Variants in PDCD11 observed in about 807,000 individuals in gnomAD.
PDCD11 encodes the protein protein RRP5 homolog.
In PDCD11, 97 loss-of-function variants were observed where a neutral mutation model predicts 198.9. The observed-to-expected ratio is 0.49, with a 90% CI of 0.41 to 0.58. PDCD11 has a LOEUF of 0.58. PDCD11 is among the 20% of genes least tolerant of loss of function. The pLI is 0.00. For missense variants in PDCD11, 2,102 were observed against 2,312.7 expected, an observed-to-expected ratio of 0.91 and a Z score of 1.87; for synonymous variants, 893 against 918.0, an observed-to-expected ratio of 0.97 and a Z score of 0.49.
chr10:103,437,317 G>GT (rs931291327), intron 25 of PDCD11, among the ~76,000 whole-genome samples: 13 of 151,796 alleles, frequency 8.6e-5, no homozygotes, highest in African/African-American at 2.9e-4. Context: ...TTTTAAAAAA[G>GT]TTTTTTTATA....
chr10:103,434,956 G>C lies in PDCD11; in HGVS notation c.3826G>C (p.Val1276Leu), dbSNP rs770426601. 1.3e-6 allele frequency: 2 copies of C among 1,574,512 alleles called. No individual in the cohort carries two copies. Among genetic ancestry groups the C allele is most frequent in the African/African-American group, 2.8e-5 (2 of 72,662 alleles). Reference sequence around the variant, plus strand: ...CTCCGAGACGCCCCTGGAAGACTTCGTCCCCCAGAAGGTTGTCAGGTAAGC... The same window carrying C: ...CTCCGAGACGCCCCTGGAAGACTTCCTCCCCCAGAAGGTTGTCAGGTAAGC... ...SYSETPLEDF[V>L]PQKVVRCYIL... Residue 1276 changes from valine (V) to leucine (L), a missense_variant, in exon 25 of 36, where the codon GTC becomes CTC. Coordinates refer to ENST00000369797, the MANE Select transcript of PDCD11 (RefSeq NM_014976.2).
At chr10:103,407,413 A>C (rs1180135542) in intron 7 of PDCD11, among the ~76,000 whole-genome samples, 1 of 152,032 alleles carries the variant, frequency 6.6e-6, no homozygotes, top group African/African-American at 2.4e-5. Context: ...AATACAAAAA[A>C]TTAGCTGGGT....
chr10:103,443,928 T>G lies in PDCD11; in HGVS notation c.5138T>G (p.Leu1713Arg), dbSNP rs1263922335. The G allele has an allele frequency of 6.2e-7, 1 of 1,614,038 alleles. No homozygotes were observed. The highest frequency in any genetic ancestry group is 1.3e-5 in the African/African-American group (1 of 74,924). Residue 1713 changes from leucine (L) to arginine (R), a missense_variant, in exon 34 of 36, where the codon CTC (leucine) becomes CGC (arginine). By Grantham distance (102) the Leu-to-Arg change is moderately radical (BLOSUM62 -2). Transcript: ENST00000369797. ...CTTTTCCCACAGGAAGCTGGTGAAC[T>G]CTACAACCGGATGCTGAAGCGTTTC... ...KSEKFQEAGE[L>R]YNRMLKRFRQ...
Position 103,442,359 on chromosome 10 carries a change from C to G in PDCD11, c.4854C>G (p.Ser1618Arg). 6.2e-7 allele frequency: 1 copy of G among 1,614,248 alleles called. No individual in the cohort carries two copies. Among genetic ancestry groups the G allele is most frequent in the South Asian group, 1.1e-5 (1 of 91,090 alleles). ...FDRLVLSSPNSSILWLQYMAF... is the reference protein window; with the variant it reads ...FDRLVLSSPNRSILWLQYMAF... ...GACTGGTGCTGAGCTCCCCCAACAG[C>G]TCCATTCTGTGGCTGCAGTACATGG... The change falls in exon 32 of 36, where the codon AGC becomes AGG. Residue 1618 changes from serine to arginine, a missense_variant. By Grantham distance (110) the Ser-to-Arg change is moderately radical. Coordinates refer to ENST00000369797, the MANE Select transcript of PDCD11 (RefSeq NM_014976.2).
chr10:103,396,788 G>A (rs955294504), intron 1 of PDCD11, 58 bp downstream of exon 1: 4 of 152,402 alleles, frequency 2.6e-5, no homozygotes, highest in African/African-American at 9.6e-5. Flanking sequence ...GTCTGTCCCA[G>A]GCCTGGTTCC....
At chr10:103,424,945 T>C in intron 19 of PDCD11, 39 bp from the exon 20 acceptor site, 1 of 1,604,508 alleles carries the variant, frequency 6.2e-7, no homozygotes, top group South Asian at 1.1e-5. Context: ...GACCATGCTG[T>C]GTAAGGAAAG....
intron 21 of PDCD11, among the ~76,000 whole-genome samples, chr10:103,430,577 C>T (rs182941529): frequency 8.3e-4 from 125 of 151,412 alleles, no homozygotes; most frequent in African/African-American, 2.5e-3. Flanking sequence ...TTTACATTCT[C>T]ATCAACTGTG....
chr10:103,434,546 T>G, intron 24 of PDCD11, 196 bp downstream of exon 24: 1 of 600,530 alleles, frequency 1.7e-6, no homozygotes, highest in South Asian at 2.1e-5. Context: ...CTGAGTTACC[T>G]TTACCTATAC....
At chr10:103,412,780 G>A (rs2030878320) in intron 8 of PDCD11, among the ~76,000 whole-genome samples, 1 of 152,072 alleles carries the variant, frequency 6.6e-6, no homozygotes, top group Non-Finnish European at 1.5e-5. Context: ...TGTATTTTTT[G>A]TTGAGACAGG....
chr10:103,402,325 T>G (rs2030146709), intron 3 of PDCD11, among the ~76,000 whole-genome samples: 1 of 152,240 alleles, frequency 6.6e-6, no homozygotes, highest in South Asian at 2.1e-4. Flanking sequence ...CACTGTTGTA[T>G]AATCTAGACC....
Position 103,445,488 on chromosome 10 carries a change from A to G in PDCD11, c.5555A>G (p.Gln1852Arg). The change falls in exon 36 of 36, where the codon CAG becomes CGG. Residue 1852 changes from glutamine (Q) to arginine (R), a missense_variant. By Grantham distance (43) the Gln-to-Arg change is conservative. Coordinates refer to ENST00000369797, the MANE Select transcript of PDCD11 (RefSeq NM_014976.2). ...CAGCATGGCACTGAGAAGGATGTGCAGGCAGTCAAGGCCAAGGCCCTGGAG... is the reference window on the plus strand; with the variant it reads ...CAGCATGGCACTGAGAAGGATGTGCGGGCAGTCAAGGCCAAGGCCCTGGAG... ...EKQHGTEKDV[Q>R]AVKAKALEYV... The G allele has an allele frequency of 6.2e-7, 1 of 1,614,184 alleles. No individual in the cohort carries two copies.
Position 103,425,024 on chromosome 10 carries a change from T to TG in PDCD11, c.2806dup (p.Glu936GlyfsTer31). 1 of 1,614,238 alleles carries TG rather than the reference T, an allele frequency of 6.2e-7. No homozygotes were observed. The highest frequency in any genetic ancestry group is 8.5e-7 in the Non-Finnish European group (1 of 1,180,030). On this transcript the variant is annotated frameshift_variant, in exon 20 of 36. Transcript: ENST00000369797. LOFTEE classifies it high-confidence loss of function. The stretch of plus-strand genomic sequence containing the variant: ...GAACACCAGGCGATTGTGCAGCACT[T>TG]GGAGAAGTCCTTTGCCATTGCCTCC...
Position 103,418,036 on chromosome 10 carries a change from T to C in PDCD11, c.1911+104T>C, listed in dbSNP as rs1257583705. The C allele has an allele frequency of 2.3e-6, 3 of 1,317,522 alleles. No individual in the cohort carries two copies. In the Admixed American group the frequency reaches 6.1e-5, roughly 27 times the overall value. The allele number at this position is 1,317,522 out of a possible 1,614,324, so 81.6% of individuals were successfully genotyped here. The stretch of plus-strand genomic sequence containing the variant: ...AACCCACGAAGCGGAAAGATAGAGG[T>C]AGCTAGATAAGATTTTGGGGCTAGA... On this transcript the variant is annotated intron_variant, in intron 14 of 35. Coordinates refer to ENST00000369797, the MANE Select transcript of PDCD11 (RefSeq NM_014976.2).
At chr10:103,434,565 C>G in intron 24 of PDCD11, 1 of 592,240 alleles carries the variant, frequency 1.7e-6, no homozygotes, top group Non-Finnish European at 3.0e-6. Context: ...ACAGGTTACC[C>G]TTACCTACAC....
intron 33 of PDCD11, among the ~76,000 whole-genome samples, chr10:103,443,699 C>T (rs1320521637): frequency 1.3e-5 from 2 of 152,172 alleles, no homozygotes; most frequent in African/African-American, 4.8e-5. Flanking sequence ...CCCATGGGTG[C>T]GGATCAGCAG....
intron 8 of PDCD11, among the ~76,000 whole-genome samples, chr10:103,412,382 G>A (rs147774248): frequency 0.024 from 3,621 of 152,010 alleles, 139 homozygotes; most frequent in African/African-American, 0.083. Context: ...GTGCAGTGGC[G>A]TGATCTTGGC....
At position 103,425,023 on chromosome 10, in the gene PDCD11, T is replaced by G. The variant is rs1177615630; in HGVS notation, c.2803T>G (p.Leu935Val). Residue 935 changes from leucine to valine, a missense_variant, in exon 20 of 36, where the codon TTG (leucine) becomes GTG (valine). Coordinates refer to ENST00000369797, the MANE Select transcript of PDCD11 (RefSeq NM_014976.2). ...CGAACACCAGGCGATTGTGCAGCAC[T>G]TGGAGAAGTCCTTTGCCATTGCCTC... ...GSEHQAIVQH[L>V]EKSFAIASLV... 8.7e-6 allele frequency: 14 copies of G among 1,614,238 alleles called. No homozygotes were observed. Among genetic ancestry groups the G allele is most frequent in the Non-Finnish European group, 1.2e-5 (14 of 1,180,038 alleles).
chr10:103,421,528 G>C lies in PDCD11; in HGVS notation c.2458G>C (p.Glu820Gln). The change falls in exon 17 of 36, where the codon GAG becomes CAG. Residue 820 changes from glutamate (E) to glutamine (Q), a missense_variant. Physicochemically the swap from Glu to Gln is conservative, Grantham distance 29. Transcript: ENST00000369797. ...TSLLLLNQCL[E>Q]ELQGVRSLMS... ...CCTCCTCCTCCTGAATCAGTGCCTGGAGGAGCTGCAGGGCGTGCGCAGCCT... is the reference window on the plus strand; with the variant it reads ...CCTCCTCCTCCTGAATCAGTGCCTGCAGGAGCTGCAGGGCGTGCGCAGCCT... The C allele has an allele frequency of 6.3e-7, 1 of 1,577,762 alleles. No homozygotes were observed. Among genetic ancestry groups the C allele is most frequent in the Non-Finnish European group, 8.6e-7 (1 of 1,161,060 alleles).
chr10:103,445,481 G>C lies in PDCD11; in HGVS notation c.5548G>C (p.Asp1850His), dbSNP rs1480200937. 1 of 1,614,080 alleles carries C rather than the reference G, an allele frequency of 6.2e-7. No individual in the cohort carries two copies. The highest frequency in any genetic ancestry group is 1.3e-5 in the African/African-American group (1 of 74,946). Residue 1850 changes from aspartate to histidine, a missense_variant, in exon 36 of 36, where the codon GAT becomes CAT. Transcript: ENST00000369797. Reference protein sequence around the residue: ...DYEKQHGTEKDVQAVKAKALE... With the variant: ...DYEKQHGTEKHVQAVKAKALE... ...CGAGAAGCAGCATGGCACTGAGAAG[G>C]ATGTGCAGGCAGTCAAGGCCAAGGC...
Sources: allele counts gnomAD v4.1 joint callset (sites outside exome capture counted in the v4.1 genomes callset), GRCh38; gene constraint gnomAD v4.1.1; transcripts MANE v1.5; gene names NCBI Gene and HGNC (gene_info 2026-07-23, HGNC 2026-07-21).